The following MSH6 variants were observed in gnomAD, a reference collection of about 807,000 sequenced individuals.
The protein encoded by MSH6 is DNA mismatch repair protein Msh6.
A neutral mutation model predicts 119.1 loss-of-function variants in MSH6; 85 were observed. The observed-to-expected ratio is 0.71, with a 90% CI of 0.60 to 0.85. The LOEUF (loss-of-function observed/expected upper bound fraction) is 0.85. MSH6 is among the 40% of genes least tolerant of loss of function. The pLI is 0.00. For synonymous variants in MSH6, 830 were observed against 586.9 expected (o/e 1.41, Z -5.99); for missense variants, 2,163 against 1,655.3 (o/e 1.31, Z -5.32).
intron 5 of MSH6, 36 bp downstream of exon 5, chr2:47,803,721 A>T (rs1669778706): frequency 1.2e-6 from 2 of 1,611,990 alleles, no homozygotes; most frequent in Non-Finnish European, 1.7e-6. Flanking sequence ...TCAGAAAGTC[A>T]TTTGTGACAT....
intron 1 of MSH6, chr2:47,783,726 G>T: frequency 2.0e-6 from 1 of 497,394 alleles, no homozygotes; most frequent in Non-Finnish European, 3.2e-6. Flanking sequence ...GAGGGCTGCA[G>T]GGGAGACGCG....
intron 5 of MSH6, among the ~76,000 whole-genome samples, chr2:47,804,417 C>T (rs991100864): frequency 6.6e-5 from 10 of 152,078 alleles, no homozygotes; most frequent in African/African-American, 2.4e-4. Flanking sequence ...CCGCTGCTCT[C>T]CTGCATTATA....
chr2:47,787,447 T>C (rs974945153), intron 1 of MSH6, among the ~76,000 whole-genome samples: 1 of 152,234 alleles, frequency 6.6e-6, no homozygotes, highest in Non-Finnish European at 1.5e-5. Context: ...GACAAAGCCA[T>C]TACTTATTAT....
At chr2:47,802,994 C>T (rs1487657617) in intron 4 of MSH6, among the ~76,000 whole-genome samples, 3 of 152,134 alleles carry the variant, frequency 2.0e-5, no homozygotes, top group Admixed American at 2.0e-4. Context: ...TCATTGCAAC[C>T]TCTGCCTCCC....
rs1558650240 is a variant in MSH6 at position 47,788,922 on chromosome 2, G to GTTTTTTTTTTTT, written c.261-1991_261-1980dup. On this transcript the variant is annotated intron_variant, in intron 1 of 9. Transcript: ENST00000234420. ...TTTCTTCTTCCTTTTTTTTTTTTTTGTTTTTTTTTTTTTTTTTTTTTTTTT... is the reference window on the plus strand; with the variant it reads ...TTTCTTCTTCCTTTTTTTTTTTTTTGTTTTTTTTTTTTTTTTTTTTTTTTTTTTTTTTTTTTT... 2.5e-3 allele frequency among the ~76,000 whole-genome samples: 102 copies of GTTTTTTTTTTTT among 40,934 alleles called. 10 individuals carry two copies. The highest frequency in any genetic ancestry group is 3.5e-3 in the Admixed American group (9 of 2,552). 26.9% of individuals were successfully genotyped at this position (40,934 alleles called of 152,430 possible). A position where few individuals can be genotyped will look rare whatever the true frequency, so the allele number is the denominator to read the frequency against.
chr2:47,808,512 T>C (rs1670382092), downstream of MSH6: 1 of 1,280,564 alleles, frequency 7.8e-7, no homozygotes, highest in Admixed American at 2.6e-5. Context: ...ACTATGACCT[T>C]TGGCTTTAAG....
intron 4 of MSH6, among the ~76,000 whole-genome samples, chr2:47,801,904 A>G (rs1015770029): frequency 3.9e-5 from 6 of 152,154 alleles, no homozygotes; most frequent in Admixed American, 3.3e-4. Context: ...CAGTCTCCCA[A>G]AAGTGCTGGG....
At chr2:47,796,328 G>C (rs1669088827) in intron 3 of MSH6, among the ~76,000 whole-genome samples, 1 of 152,204 alleles carries the variant, frequency 6.6e-6, no homozygotes, top group Non-Finnish European at 1.5e-5. Flanking sequence ...GTAAGAAGTA[G>C]AGAGCTAGGG....
rs1114167802 is a variant in MSH6 at position 47,783,367 on chromosome 2, G to T, written c.134G>T (p.Gly45Val). The T allele has an allele frequency of 6.2e-7, 1 of 1,602,366 alleles. No individual in the cohort carries two copies. The highest frequency in any genetic ancestry group is 1.3e-5 in the African/African-American group (1 of 74,484). The change falls in exon 1 of 10, where the codon GGC becomes GTC. Residue 45 changes from glycine (G) to valine (V), a missense_variant. Gly to Val is a moderately radical substitution (Grantham distance 109, BLOSUM62 -3). Transcript: ENST00000234420. ...GCCCCCGGGGCCTCTCCTTCCCCAG[G>T]CGGGGATGCGGCCTGGAGCGAGGCT... is the stretch of plus-strand genomic sequence containing the variant. ...AAAPGASPSP[G>V]GDAAWSEAGP... is the part of the protein sequence containing the mutation.
intron 1 of MSH6, chr2:47,789,351 T>C: frequency 7.3e-6 from 3 of 413,112 alleles, no homozygotes; most frequent in South Asian, 5.5e-5. Context: ...TAATATTTTA[T>C]TTCAGAAAGG....
At position 47,800,684 on chromosome 2, in the gene MSH6, C is replaced by A. The variant is rs772514245; in HGVS notation, c.2701C>A (p.Arg901Ser). The change falls in exon 4 of 10, where the codon CGT becomes AGT. Residue 901 changes from arginine (R) to serine (S), a missense_variant. Transcript: ENST00000234420. ...ISLQTKNPEGRFPDLTVELNR... is the reference protein window; with the variant it reads ...ISLQTKNPEGSFPDLTVELNR... ...TCTGCAGACAAAAAATCCTGAAGGT[C>A]GTTTTCCTGATTTGACTGTAGAATT... 8 of 1,613,944 alleles carry A rather than the reference C, an allele frequency of 5.0e-6. No homozygotes were observed. In the African/African-American group the frequency reaches 8.0e-5, roughly 16 times the overall value.
chr2:47,786,055 T>C (rs1270023514), intron 1 of MSH6, among the ~76,000 whole-genome samples: 3 of 150,916 alleles, frequency 2.0e-5, no homozygotes. Flanking sequence ...AAAGAGGCAA[T>C]TGTAGACTCC....
At chr2:47,801,376 T>TTTTTG in intron 4 of MSH6, 1 of 482,990 alleles carries the variant, frequency 2.1e-6, no homozygotes, top group African/African-American at 2.2e-5. Flanking sequence ...TTTTTTTTTT[T>TTTTTG]TTTTTTTTTT....
In MSH6 at chr2:47,800,747, C is replaced by T. The variant is rs587779246; in HGVS notation, c.2764C>T (p.Arg922Ter). The T allele has an allele frequency of 1.2e-6, 2 of 1,614,074 alleles. No individual in the cohort carries two copies. Among genetic ancestry groups the T allele is most frequent in the South Asian group, 1.1e-5 (1 of 91,074 alleles). The change falls in exon 4 of 10, where the codon CGA becomes TGA. Residue 922 changes from arginine to a stop codon, truncating the protein, a stop_gained. Transcript: ENST00000234420. LOFTEE classifies it high-confidence loss of function. The stretch of plus-strand genomic sequence containing the variant: ...TACAGCCTTTGACCATGAAAAGGCT[C>T]GAAAGACTGGACTTATTACTCCCAA... The part of the protein sequence containing the change: ...WDTAFDHEKA[R>*]KTGLITPKAG...
chr2:47,795,818 G>A lies in MSH6; in HGVS notation c.458-76G>A, dbSNP rs1669045859. ...TGGGGTTTGCTATGTTGCCCAGGCT[G>A]GTCTTGAACTGCTGGGATTACAGGC... On this transcript the variant is annotated intron_variant, in intron 2 of 9. Transcript: ENST00000234420. The A allele has an allele frequency of 9.4e-6, 12 of 1,274,600 alleles. No homozygotes were observed. The South Asian group carries it at 1.4e-4, about 14-fold the overall frequency. The allele number at this position is 1,274,600 out of a possible 1,614,324, so 79.0% of individuals were successfully genotyped here.
At position 47,783,374 on chromosome 2, in the gene MSH6, T is replaced by C. The variant is rs1668124415; in HGVS notation, c.141T>C (p.Asp47=). The change falls in exon 1 of 10, where the codon GAT becomes GAC. Residue 47 remains aspartate, a synonymous_variant. Transcript: ENST00000234420. ...APGASPSPGG[D]AAWSEAGPGP... is the part of the protein sequence containing the mutation. ...GGGCCTCTCCTTCCCCAGGCGGGGA[T>C]GCGGCCTGGAGCGAGGCTGGGCCTG... is the stretch of plus-strand genomic sequence containing the variant. The C allele has an allele frequency of 6.3e-7, 1 of 1,599,496 alleles. No homozygotes were observed. Among genetic ancestry groups the C allele is most frequent in the Non-Finnish European group, 8.5e-7 (1 of 1,173,134 alleles).
intron 4 of MSH6, among the ~76,000 whole-genome samples, chr2:47,802,879 G>T (rs1179020955): frequency 6.6e-6 from 1 of 151,984 alleles, no homozygotes; most frequent in Non-Finnish European, 1.5e-5. Flanking sequence ...CTAAGTAAGA[G>T]GCTTAAGTGT....
intron 1 of MSH6, chr2:47,789,440 C>T (rs1668589269): frequency 2.1e-6 from 1 of 469,496 alleles, no homozygotes; most frequent in South Asian, 1.6e-5. Context: ...GCACATTTAT[C>T]CTGTAAACAA....
Position 47,805,106 on chromosome 2 carries a change from C to G in MSH6, c.3556+79C>G, listed in dbSNP as rs113095149. The G allele has an allele frequency of 8.1e-5, 76 of 938,888 alleles. 1 individual carries two copies. Among genetic ancestry groups the G allele is most frequent in the African/African-American group, 7.3e-4 (45 of 61,824 alleles). The allele number at this position is 938,888 out of a possible 1,614,324, so 58.2% of individuals were successfully genotyped here. On this transcript the variant is annotated intron_variant, in intron 6 of 9. Coordinates refer to ENST00000234420, the MANE Select transcript of MSH6 (RefSeq NM_000179.3). ...AAGATATTTGCTTCTTGTATATGAG[C>G]CTTTTAAATCTAATATTTGATTTTT...
Sources: gnomAD v4.1 joint callset for allele counts (sites outside exome capture counted in the v4.1 genomes callset) on GRCh38, gnomAD v4.1.1 for gene constraint, MANE v1.5 for transcripts, NCBI Gene and HGNC (gene_info 2026-07-23, HGNC 2026-07-21) for gene names.